The following NRXN3 variants were observed in gnomAD, a reference collection of about 807,000 sequenced individuals.
The protein encoded by NRXN3 is neurexin 3.
In NRXN3, 32 loss-of-function variants were observed where a neutral mutation model predicts 137.6. The ratio of observed to expected loss-of-function variants is 0.23; its 90% CI spans 0.18 to 0.31. NRXN3 has a LOEUF of 0.31. Ranked by LOEUF, NRXN3 falls within the 10% of genes least tolerant of loss-of-function variation. The pLI is 1.00. For missense variants in NRXN3, 1,574 were observed against 2,062.5 expected (o/e 0.76, Z 4.59); for synonymous variants, 798 against 784.5 (o/e 1.02, Z -0.29).
chr14:79,349,681 G>A (rs1258929012), intron 15 of NRXN3, among the ~76,000 whole-genome samples: 1 of 151,790 alleles, frequency 6.6e-6, no homozygotes, highest in Non-Finnish European at 1.5e-5. Flanking sequence ...ATAGTATGTT[G>A]AAGTCCTAAC....
intron 20 of NRXN3, among the ~76,000 whole-genome samples, chr14:79,831,429 G>A (rs1423452701): frequency 1.3e-5 from 2 of 152,184 alleles, no homozygotes. Context: ...AAGGCTTGAC[G>A]ATTGCCCATG....
intron 4 of NRXN3, among the ~76,000 whole-genome samples, chr14:78,471,496 A>G (rs1192762099): frequency 1.3e-5 from 2 of 152,146 alleles, no homozygotes; most frequent in Non-Finnish European, 2.9e-5. Context: ...AAAGGAAGGG[A>G]AGTCTCACTC....
At chr14:79,361,045 T>A (rs988849182) in intron 15 of NRXN3, among the ~76,000 whole-genome samples, 12 of 152,320 alleles carry the variant, frequency 7.9e-5, no homozygotes, top group African/African-American at 2.9e-4. Context: ...ATTAAAGCTG[T>A]TAGCTATGAT....
intron 10 of NRXN3, among the ~76,000 whole-genome samples, chr14:78,945,612 A>G (rs1222465601): frequency 6.6e-6 from 1 of 152,146 alleles, no homozygotes; most frequent in East Asian, 1.9e-4. Context: ...ACATTGGGCA[A>G]TTGACTGAAC....
chr14:78,804,756 C>A (rs148399541), intron 9 of NRXN3, among the ~76,000 whole-genome samples: 10 of 152,078 alleles, frequency 6.6e-5, no homozygotes, highest in African/African-American at 2.2e-4. Context: ...TTGGGATCCT[C>A]TTGGTTTTTG....
At chr14:79,069,412 A>T (rs756743011) in intron 15 of NRXN3, among the ~76,000 whole-genome samples, 1 of 151,830 alleles carries the variant, frequency 6.6e-6, no homozygotes, top group Non-Finnish European at 1.5e-5. Flanking sequence ...TGGACAAAAA[A>T]CCCTGTCTCT....
intron 16 of NRXN3, among the ~76,000 whole-genome samples, chr14:79,495,701 T>C (rs1180928654): frequency 2.0e-5 from 3 of 152,124 alleles, no homozygotes; most frequent in African/African-American, 7.2e-5. Flanking sequence ...ACACAATAGA[T>C]AGGAAAATTG....
At chr14:79,621,540 T>G (rs1258633335) in intron 16 of NRXN3, among the ~76,000 whole-genome samples, 2 of 152,218 alleles carry the variant, frequency 1.3e-5, no homozygotes, top group Admixed American at 6.5e-5. Context: ...TATAGACTCT[T>G]GAATCTGTGT....
intron 16 of NRXN3, among the ~76,000 whole-genome samples, chr14:79,503,014 G>T (rs1185598809): frequency 6.6e-6 from 1 of 152,054 alleles, no homozygotes; most frequent in Non-Finnish European, 1.5e-5. Flanking sequence ...GCATTCAGGG[G>T]TTATGGTGGC....
chr14:79,192,765 A>ATTTTTTTTTTTTTTTTTTT (rs961910712), intron 15 of NRXN3, among the ~76,000 whole-genome samples: 2 of 115,300 alleles, frequency 1.7e-5, no homozygotes, highest in Non-Finnish European at 3.3e-5. Flanking sequence ...AATTCTCTTA[A>ATTTTTTTTTTTTTTTTTTT]TTTTTTTTTT....
At chr14:79,507,823 G>T (rs1274774266) in intron 16 of NRXN3, among the ~76,000 whole-genome samples, 1 of 152,062 alleles carries the variant, frequency 6.6e-6, no homozygotes, top group Admixed American at 6.6e-5. Flanking sequence ...AAAGAAAATG[G>T]GCAGGGAGGC....
Position 78,629,213 on chromosome 14 carries a change from G to A in NRXN3, c.758-15907G>A, listed in dbSNP as rs1257728637. On this transcript the variant is annotated intron_variant, in intron 4 of 20. Coordinates refer to ENST00000335750, the MANE Select transcript of NRXN3 (RefSeq NM_001330195.2). ...TACTGTTTAAGGTTATAGAATTGAG[G>A]AGACTATTTGTAAAGGGCCTCTTGC... is the stretch of plus-strand genomic sequence containing the variant. 1.3e-5 allele frequency among the ~76,000 whole-genome samples: 2 copies of A among 152,180 alleles called. 1 individual carries two copies. The highest frequency in any genetic ancestry group is 3.8e-4 in the East Asian group (2 of 5,198).
chr14:78,298,047 C>G (rs551372109), intron 4 of NRXN3, among the ~76,000 whole-genome samples, 187 bp downstream of exon 4: 1 of 152,322 alleles, frequency 6.6e-6, no homozygotes, highest in South Asian at 2.1e-4. Context: ...ATCGTGGTTT[C>G]CCACCCCTAT....
chr14:79,625,854 A>G (rs2098276227), intron 16 of NRXN3, among the ~76,000 whole-genome samples: 1 of 152,164 alleles, frequency 6.6e-6, no homozygotes, highest in African/African-American at 2.4e-5. Context: ...GCACCTTTCC[A>G]GCTCTGTAGA....
At chr14:79,467,021 A>T (rs1263432022) in intron 15 of NRXN3, among the ~76,000 whole-genome samples, 200 bp from the exon 16 acceptor site, 4 of 152,244 alleles carry the variant, frequency 2.6e-5, no homozygotes. Context: ...TTTGTTATGC[A>T]TTCATTCTGC....
intron 19 of NRXN3, among the ~76,000 whole-genome samples, chr14:79,769,690 C>A (rs1008680578): frequency 2.6e-5 from 4 of 152,048 alleles, no homozygotes; most frequent in African/African-American, 9.7e-5. Flanking sequence ...TAAAGACCAT[C>A]GAGACTAGGA....
chr14:79,754,498 C>T (rs1356442979), intron 19 of NRXN3, among the ~76,000 whole-genome samples: 4 of 113,864 alleles, frequency 3.5e-5, no homozygotes, highest in Admixed American at 3.0e-4. Context: ...CTCTCACTCT[C>T]TCTTGATATA....
intron 15 of NRXN3, among the ~76,000 whole-genome samples, chr14:79,342,385 A>G (rs1274497006): frequency 1.3e-5 from 2 of 152,160 alleles, no homozygotes; most frequent in African/African-American, 4.8e-5. Context: ...TTCTGAACCA[A>G]ATACATTATT....
chr14:79,795,455 C>G (rs2099158282), intron 19 of NRXN3, among the ~76,000 whole-genome samples: 2 of 152,118 alleles, frequency 1.3e-5, no homozygotes, highest in South Asian at 4.1e-4. Flanking sequence ...GTATTTCCTT[C>G]TAGGCATGAA....
Sources: gnomAD v4.1 joint callset for allele counts (sites outside exome capture counted in the v4.1 genomes callset) on GRCh38, gnomAD v4.1.1 for gene constraint, MANE v1.5 for transcripts, NCBI Gene and HGNC (gene_info 2026-07-23, HGNC 2026-07-21) for gene names.